ERC2: variants seen among roughly 807,000 people sequenced by gnomAD.
ERC2 encodes the protein ELKS/RAB6-interacting/CAST family member 2.
A neutral mutation model predicts 114.8 loss-of-function variants in ERC2; 42 were observed. That is an observed-to-expected ratio of 0.37 (90% CI 0.29 to 0.47). The LOEUF is 0.47. Ranked by LOEUF, ERC2 falls within the 20% of genes least tolerant of loss-of-function variation. The probability of loss-of-function intolerance (pLI) is 0.99; values close to 1 mark genes in which losing one functional copy is unlikely to be tolerated. For synonymous variants in ERC2, 454 were observed against 425.5 expected, an observed-to-expected ratio of 1.07 and a Z score of -0.82; for missense variants, 939 against 1,150.7, an observed-to-expected ratio of 0.82 and a Z score of 2.66.
At chr3:56,003,952 C>A (rs2072274965) in intron 10 of ERC2, among the ~76,000 whole-genome samples, 1 of 151,942 alleles carries the variant, frequency 6.6e-6, no homozygotes, top group Admixed American at 6.6e-5. Flanking sequence ...TTATCTGGGG[C>A]TCAATGTCAA....
intron 13 of ERC2, among the ~76,000 whole-genome samples, chr3:55,914,656 G>T (rs1357462187): frequency 6.6e-6 from 1 of 152,110 alleles, no homozygotes; most frequent in Non-Finnish European, 1.5e-5. Context: ...CTTCACCTCA[G>T]GCCAGAAGAA....
intron 3 of ERC2, among the ~76,000 whole-genome samples, chr3:56,198,680 C>T (rs2048242305): frequency 6.6e-6 from 1 of 152,178 alleles, no homozygotes; most frequent in Non-Finnish European, 1.5e-5. Context: ...AATTTTTGTA[C>T]AAGTTGTTTC....
chr3:56,383,070 C>T (rs4974208), intron 2 of ERC2, among the ~76,000 whole-genome samples: 152,195 of 152,198 alleles, frequency 1, 76,096 homozygotes, highest in Non-Finnish European at 1. Context: ...ATCTACCCAG[C>T]TTTATCATCA....
At chr3:56,325,061 T>C (rs1343222777) in intron 2 of ERC2, among the ~76,000 whole-genome samples, 2 of 152,032 alleles carry the variant, frequency 1.3e-5, no homozygotes, top group East Asian at 1.9e-4. Flanking sequence ...TGCTTTTTTT[T>C]CCTCATGATC....
chr3:55,981,398 T>A (rs1163817450), intron 12 of ERC2, among the ~76,000 whole-genome samples: 1 of 152,238 alleles, frequency 6.6e-6, no homozygotes, highest in African/African-American at 2.4e-5. Context: ...AAAGCACACC[T>A]GAAACCTGGT....
At chr3:56,392,196 C>T (rs1043120935) in intron 2 of ERC2, among the ~76,000 whole-genome samples, 3 of 152,142 alleles carry the variant, frequency 2.0e-5, no homozygotes, top group Non-Finnish European at 4.4e-5. Context: ...TCCAGGCAAA[C>T]ATTTCTATGT....
chr3:55,730,913 C>A (rs2065218610), intron 15 of ERC2, among the ~76,000 whole-genome samples: 1 of 152,190 alleles, frequency 6.6e-6, no homozygotes, highest in Admixed American at 6.5e-5. Context: ...AACATCTGCA[C>A]AGAAGACTGA....
At chr3:56,320,804 A>G (rs947366274) in intron 2 of ERC2, among the ~76,000 whole-genome samples, 3 of 152,206 alleles carry the variant, frequency 2.0e-5, no homozygotes, top group Non-Finnish European at 2.9e-5. Context: ...GGAGAGTGGG[A>G]GCATATCAGT....
intron 3 of ERC2, among the ~76,000 whole-genome samples, chr3:56,208,312 T>C (rs912217837): frequency 8.4e-6 from 1 of 118,416 alleles, no homozygotes; most frequent in South Asian, 3.6e-4. Flanking sequence ...AATTCTAACA[T>C]TCATAGAGGG....
At chr3:55,513,194 C>T (rs1437611958) in intron 17 of ERC2, among the ~76,000 whole-genome samples, 2 of 152,210 alleles carry the variant, frequency 1.3e-5, no homozygotes, top group African/African-American at 4.8e-5. Flanking sequence ...AGTGCATTCC[C>T]GTTTACAGTT....
chr3:55,654,559 C>T (rs938447346), intron 17 of ERC2, among the ~76,000 whole-genome samples: 1 of 152,214 alleles, frequency 6.6e-6, no homozygotes, highest in Admixed American at 6.5e-5. Flanking sequence ...GCAGAGTTGC[C>T]ACTGGAGACT....
chr3:55,994,101 C>A (rs1194873809), intron 10 of ERC2, among the ~76,000 whole-genome samples: 2 of 152,162 alleles, frequency 1.3e-5, no homozygotes, highest in Non-Finnish European at 2.9e-5. Context: ...ACCTCTCTTT[C>A]ATTTTCATAC....
intron 13 of ERC2, among the ~76,000 whole-genome samples, chr3:55,942,027 G>A (rs2066827861): frequency 6.6e-6 from 1 of 152,136 alleles, no homozygotes; most frequent in African/African-American, 2.4e-5. Context: ...AGGGGCACAA[G>A]CCTTAGGTAT....
chr3:56,178,170 A>G (rs892116536), intron 3 of ERC2, among the ~76,000 whole-genome samples: 9 of 152,212 alleles, frequency 5.9e-5, no homozygotes, highest in African/African-American at 2.2e-4. Context: ...ATCTGGATGG[A>G]CACTAGCTTC....
In ERC2 at chr3:55,985,550, A is replaced by G. The variant is rs142296428; in HGVS notation, c.2267+427T>C. 1.0e-3 allele frequency among the ~76,000 whole-genome samples: 154 copies of G among 152,326 alleles called. 3 individuals carry two copies. In the East Asian group the frequency reaches 0.028, roughly 27 times the overall value. On this transcript the variant is annotated intron_variant, in intron 12 of 17. Transcript: ENST00000288221. ...TAAATGAAAAGTCTGAACAGTTTGCACTGTTAAATTTAGCTTTTAAGTTGC... is the reference window on the plus strand; with the variant it reads ...TAAATGAAAAGTCTGAACAGTTTGCGCTGTTAAATTTAGCTTTTAAGTTGC...
At chr3:56,219,141 AAAAT>A (rs2049721034) in intron 3 of ERC2, among the ~76,000 whole-genome samples, 1 of 152,144 alleles carries the variant, frequency 6.6e-6, no homozygotes, top group African/African-American at 2.4e-5. Context: ...TATAATAAAT[AAAAT>A]AAAATTGTAA....
intron 17 of ERC2, among the ~76,000 whole-genome samples, chr3:55,620,349 G>C (rs1275167110): frequency 6.6e-6 from 1 of 152,160 alleles, no homozygotes; most frequent in Non-Finnish European, 1.5e-5. Context: ...TAACTTGAAA[G>C]ATGTGTGGGG....
In ERC2 at chr3:55,508,669, CT is replaced by C. The variant is rs2051904258; in HGVS notation, c.*2646del. On this transcript the variant is annotated 3_prime_UTR_variant, in exon 18 of 18. Transcript: ENST00000288221. ...CTACACAAAAACATTGCAGATAGAG[CT>C]TACGTCAACACATCTGAGGTCTCGT... 1 of 152,540 alleles carries C rather than the reference CT, an allele frequency of 6.6e-6. No homozygotes were observed. The highest frequency in any genetic ancestry group is 1.5e-5 in the Non-Finnish European group (1 of 68,026). 9.4% of individuals were successfully genotyped at this position (152,540 alleles called of 1,614,324 possible). A position where few individuals can be genotyped will look rare whatever the true frequency, so the allele number is the denominator to read the frequency against.
At chr3:55,789,281 C>T (rs1477850354) in intron 14 of ERC2, among the ~76,000 whole-genome samples, 2 of 152,208 alleles carry the variant, frequency 1.3e-5, no homozygotes, top group East Asian at 1.9e-4. Flanking sequence ...TTCCTAGGGC[C>T]ATGGATGCCG....
Sources: allele counts gnomAD v4.1 joint callset (sites outside exome capture counted in the v4.1 genomes callset), GRCh38; gene constraint gnomAD v4.1.1; transcripts MANE v1.5; gene names NCBI Gene and HGNC (gene_info 2026-07-23, HGNC 2026-07-21).